Variants in LAMA4 observed in about 807,000 individuals in gnomAD.
LAMA4 encodes laminin subunit alpha 4.
Under a neutral mutation model 207.1 loss-of-function variants are expected in LAMA4, and 127 were observed. The ratio of observed to expected loss-of-function variants is 0.61; its 90% confidence interval spans 0.53 to 0.71. The LOEUF is 0.71. Ranked by LOEUF, LAMA4 falls within the 30% of genes least tolerant of loss-of-function variation. LAMA4 has a pLI of 0.00. For synonymous variants in LAMA4, 761 were observed against 816.0 expected (o/e 0.93, Z 1.15); for missense variants, 2,093 against 2,246.5 (o/e 0.93, Z 1.38).
intron 2 of LAMA4, among the ~76,000 whole-genome samples, chr6:112,229,107 G>C (rs1301825580): frequency 6.6e-6 from 1 of 152,178 alleles, no homozygotes; most frequent in Non-Finnish European, 1.5e-5. Context: ...AACTAGGATG[G>C]TTTTAAATCC....
chr6:112,200,416 G>A (rs535386132), intron 5 of LAMA4, among the ~76,000 whole-genome samples: 34 of 152,250 alleles, frequency 2.2e-4, no homozygotes, highest in South Asian at 1.7e-3. Context: ...AAATAGGAAT[G>A]CTTTTACACT....
intron 2 of LAMA4, among the ~76,000 whole-genome samples, chr6:112,250,347 G>A (rs1161715218): frequency 3.3e-5 from 5 of 152,196 alleles, no homozygotes; most frequent in Non-Finnish European, 2.9e-5. Context: ...GGGACATGGG[G>A]TCACGTATCA....
intron 18 of LAMA4, among the ~76,000 whole-genome samples, chr6:112,145,696 AC>A (rs139332533): frequency 1.3e-5 from 2 of 152,310 alleles, no homozygotes; most frequent in Non-Finnish European, 2.9e-5. Context: ...CCCGAGCATG[AC>A]ATTTGGCATA....
Position 112,254,010 on chromosome 6 carries a change from C to T in LAMA4, c.141G>A (p.Pro47=), listed in dbSNP as rs141926228. 5.6e-5 allele frequency: 89 copies of T among 1,587,854 alleles called. No individual in the cohort carries two copies. The African/African-American group carries it at 1.1e-3, about 19-fold the overall frequency. The change falls in exon 2 of 39, where the codon CCG becomes CCA. Residue 47 remains proline, a synonymous_variant. Transcript: ENST00000230538. ...EGSSAVGRQD[P]PETSEPRVAL... is the part of the protein sequence containing the mutation. The stretch of plus-strand genomic sequence containing the variant: ...CCACGCGGGGTTCGCTCGTCTCAGG[C>T]GGGTCTTGCCTGCCAACCGCTGAGC...
Position 112,207,018 on chromosome 6 carries a change from T to C in LAMA4, c.422+3A>G. The stretch of plus-strand genomic sequence containing the variant: ...GAAGAGACCATCCTCCTTTAGGACT[T>C]ACTTGGCCAAGTGGGGCAGGGGACA... On this transcript the variant is annotated splice_donor_region_variant and intron_variant, in intron 4 of 38. Transcript: ENST00000230538. 1.9e-6 allele frequency: 3 copies of C among 1,613,930 alleles called. No homozygotes were observed. Among genetic ancestry groups the C allele is most frequent in the Non-Finnish European group, 2.5e-6 (3 of 1,179,942 alleles).
chr6:112,229,946 A>C (rs577344901), intron 2 of LAMA4, among the ~76,000 whole-genome samples: 1 of 152,236 alleles, frequency 6.6e-6, no homozygotes, highest in Non-Finnish European at 1.5e-5. Context: ...AAATGAAAGA[A>C]TCAAGAACGT....
rs1554187603 is a variant in LAMA4, at chr6:112,241,151, A to ATATATATGAATATATATATT, written c.195+12804_195+12805insAATATATATATTCATATATA. Among the ~76,000 whole-genome samples the ATATATATGAATATATATATT allele has an allele frequency of 6.2e-3, 375 of 60,260 alleles. 4 individuals are homozygous for ATATATATGAATATATATATT. The highest frequency in any genetic ancestry group is 0.013 in the Non-Finnish European group (314 of 24,266). The allele number at this position is 60,260 out of a possible 152,430, so 39.5% of individuals were successfully genotyped here. A position where few individuals can be genotyped will look rare whatever the true frequency, so the allele number is the denominator to read the frequency against. On this transcript the variant is annotated intron_variant, in intron 2 of 38. Coordinates refer to ENST00000230538, the MANE Select transcript of LAMA4 (RefSeq NM_001105206.3). ...TGAATATATAGGAATATATATATGA[A>ATATATATGAATATATATATT]TATATATATGAATATATATGAATAT...
chr6:112,243,777 G>A (rs1255758398), intron 2 of LAMA4, among the ~76,000 whole-genome samples: 1 of 152,174 alleles, frequency 6.6e-6, no homozygotes, highest in African/African-American at 2.4e-5. Flanking sequence ...CTAGGATGAG[G>A]CTGGGCATGG....
chr6:112,119,210 C>T lies in LAMA4; in HGVS notation c.4767G>A (p.Lys1589=). 1 of 1,613,992 alleles carries T rather than the reference C, an allele frequency of 6.2e-7. No individual in the cohort carries two copies. The highest frequency in any genetic ancestry group is 8.5e-7 in the Non-Finnish European group (1 of 1,179,908). ...LPPTEATWKI[K]GPIYLGGVAP... is the part of the protein sequence containing the mutation. ...CCACACCTCCCAAATAAATGGGACC[C>T]TTGATTTTCCAGGTAGCTTCAGTAG... Residue 1589 remains lysine, a synonymous_variant, in exon 34 of 39, where the codon AAG becomes AAA. Coordinates refer to ENST00000230538, the MANE Select transcript of LAMA4 (RefSeq NM_001105206.3).
chr6:112,192,793 G>A (rs1420508803), intron 5 of LAMA4, among the ~76,000 whole-genome samples: 1 of 152,252 alleles, frequency 6.6e-6, no homozygotes, highest in Admixed American at 6.5e-5. Context: ...GTGCAGGGCA[G>A]CAGAGGCCCT....
chr6:112,128,915 C>T lies in LAMA4; in HGVS notation c.4287+7G>A, dbSNP rs1554328535. On this transcript the variant is annotated splice_region_variant and intron_variant, in intron 31 of 38. Coordinates refer to ENST00000230538, the MANE Select transcript of LAMA4 (RefSeq NM_001105206.3). ...AATTAGGAAGTCAGAACGGCATTATCTTTTACCTTTTTATTCTGACTTGCT... is the reference window on the plus strand; with the variant it reads ...AATTAGGAAGTCAGAACGGCATTATTTTTTACCTTTTTATTCTGACTTGCT... The T allele has an allele frequency of 5.6e-6, 9 of 1,611,638 alleles. No individual in the cohort carries two copies. The highest frequency in any genetic ancestry group is 7.6e-6 in the Non-Finnish European group (9 of 1,178,090).
At chr6:112,129,129 A>G (rs1246421390) in intron 30 of LAMA4, 54 bp from the exon 31 acceptor site, 3 of 1,469,214 alleles carry the variant, frequency 2.0e-6, no homozygotes, top group Non-Finnish European at 2.8e-6. Flanking sequence ...TCAGAATTAC[A>G]TGATGAATAT....
chr6:112,109,351 G>T lies in LAMA4; in HGVS notation c.*86C>A. On this transcript the variant is annotated 3_prime_UTR_variant, in exon 39 of 39. Transcript: ENST00000230538. ...ACTCGATGAAAGCTTCCACCCGAAG[G>T]AAGAGTTACTGTTCCTCCTGGCTGG... 2 of 1,446,560 alleles carry T rather than the reference G, an allele frequency of 1.4e-6. No homozygotes were observed. Among genetic ancestry groups the T allele is most frequent in the East Asian group, 2.3e-5 (1 of 43,450 alleles). 89.6% of individuals were successfully genotyped at this position (1,446,560 alleles called of 1,614,324 possible).
chr6:112,129,897 A>G lies in LAMA4; in HGVS notation c.4112T>C (p.Ile1371Thr). 2 of 1,608,804 alleles carry G rather than the reference A, an allele frequency of 1.2e-6. No homozygotes were observed. Residue 1371 changes from isoleucine (I) to threonine (T), a missense_variant, in exon 30 of 39, where the codon ATA (isoleucine) becomes ACA (threonine). Physicochemically the swap from Ile to Thr is moderately conservative, Grantham distance 89 (BLOSUM62 -1). Around this residue, in one of 3 missense-constraint regions of LAMA4, gnomAD observed 1,704 missense variants for 1,788.4 expected, o/e 0.95. Coordinates refer to ENST00000230538, the MANE Select transcript of LAMA4 (RefSeq NM_001105206.3). The part of the protein sequence containing the change: ...SAQYANFTGC[I>T]SNAYFTRVDR... Reference sequence around the variant, plus strand: ...ATACCTGGTAAAGTAGGCATTACTTATGCAGCCAGTGAAATTAGCATACTG... The same window carrying G: ...ATACCTGGTAAAGTAGGCATTACTTGTGCAGCCAGTGAAATTAGCATACTG...
intron 24 of LAMA4, among the ~76,000 whole-genome samples, chr6:112,137,441 C>T (rs1779421008): frequency 6.6e-6 from 1 of 152,138 alleles, no homozygotes; most frequent in Non-Finnish European, 1.5e-5. Context: ...GAGAAAGAAA[C>T]TAACTTTTAA....
Position 112,175,435 on chromosome 6 carries a change from C to A in LAMA4, c.1235G>T (p.Ser412Ile). 1 of 1,614,132 alleles carries A rather than the reference C, an allele frequency of 6.2e-7. No homozygotes were observed. The highest frequency in any genetic ancestry group is 8.5e-7 in the Non-Finnish European group (1 of 1,180,006). Residue 412 changes from serine to isoleucine, a missense_variant, in exon 11 of 39, where the codon AGC becomes ATC. Physicochemically the swap from Ser to Ile is moderately radical, Grantham distance 142. This residue lies in a region of LAMA4 where 1,704 missense variants were observed against 1,788.4 expected (regional missense o/e 0.95). Transcript: ENST00000230538. Reference protein sequence around the residue: ...MLYYGEEHELSPKEISEKLVL... With the variant: ...MLYYGEEHELIPKEISEKLVL... ...CAGCTTCTCAGAGATTTCCTTGGGG[C>A]TAAGTTCATGCTCTTCCCCATAATA...
In LAMA4 at chr6:112,136,226, T is replaced by C. The variant is rs542157463; in HGVS notation, c.3311A>G (p.Asn1104Ser). The change falls in exon 25 of 39, where the codon AAT (asparagine) becomes AGT (serine). Residue 1104 changes from asparagine (N) to serine (S), a missense_variant. Around this residue, in one of 3 missense-constraint regions of LAMA4, gnomAD observed 1,704 missense variants for 1,788.4 expected, o/e 0.95. Coordinates refer to ENST00000230538, the MANE Select transcript of LAMA4 (RefSeq NM_001105206.3). ...ATCATAGAACACATGTAGGTAACCA[T>C]TGCGCATTTCCAGTCTGAAAAACAT... ...GSMFFRLEMR[N>S]GYLHVFYDFG... is the part of the protein sequence containing the mutation. 39 of 1,611,908 alleles carry C rather than the reference T, an allele frequency of 2.4e-5. No individual in the cohort carries two copies. Among genetic ancestry groups the C allele is most frequent in the Middle Eastern group, 3.3e-4 (2 of 6,082 alleles).
At chr6:112,188,523 G>A (rs79730073) in intron 7 of LAMA4, among the ~76,000 whole-genome samples, 4,023 of 152,228 alleles carry the variant, frequency 0.026, 162 homozygotes, top group African/African-American at 0.091. Context: ...ACATCTGTTT[G>A]GGGGAGGGGA....
At chr6:112,130,903 G>T in intron 29 of LAMA4, 65 bp downstream of exon 29, 4 of 1,550,102 alleles carry the variant, frequency 2.6e-6, no homozygotes, top group South Asian at 1.1e-5. Flanking sequence ...ATTCATAGTG[G>T]TTTTTGACAT....
Sources: allele counts gnomAD v4.1 joint callset (sites outside exome capture counted in the v4.1 genomes callset), GRCh38; gene constraint gnomAD v4.1.1; regional missense constraint gnomAD v4.1.1; transcripts MANE v1.5; gene names NCBI Gene and HGNC (gene_info 2026-07-23, HGNC 2026-07-21).